Variants in TDRD5 observed in about 807,000 individuals in gnomAD.
TDRD5 encodes tudor domain containing 5.
A neutral mutation model predicts 120.6 loss-of-function variants in TDRD5; 41 were observed. That is an observed-to-expected ratio of 0.34 (90% CI 0.26 to 0.44). The LOEUF (loss-of-function observed/expected upper bound fraction) is 0.44. Ranked by LOEUF, TDRD5 falls within the 20% of genes least tolerant of loss-of-function variation. The pLI is 1.00. For synonymous variants in TDRD5, 430 were observed against 433.7 expected, an observed-to-expected ratio of 0.99 and a Z score of 0.11; for missense variants, 1,006 against 1,221.2, an observed-to-expected ratio of 0.82 and a Z score of 2.63.
chr1:179,599,940 T>G (rs1414314290), intron 4 of TDRD5, among the ~76,000 whole-genome samples: 1 of 152,162 alleles, frequency 6.6e-6, no homozygotes, highest in Non-Finnish European at 1.5e-5. Flanking sequence ...ACATAATAGT[T>G]GATAATGACA....
intron 15 of TDRD5, 50 bp from the exon 16 acceptor site, chr1:179,663,298 G>A (rs1679402594): frequency 6.5e-7 from 1 of 1,541,634 alleles, no homozygotes; most frequent in Non-Finnish European, 8.7e-7. Flanking sequence ...CCTCTTTTTG[G>A]GTCATGTTGC....
At position 179,594,592 on chromosome 1, in the gene TDRD5, C is replaced by T. The variant is rs117408907; in HGVS notation, c.640+725C>T. ...AGTGTGACCATCTGGGTAGTATCTC[C>T]CTTGACAATGTACAGTTTACACACT... On this transcript the variant is annotated intron_variant, in intron 3 of 17. Transcript: ENST00000444136. Among the ~76,000 whole-genome samples, 1,372 of 152,342 alleles carry T rather than the reference C, an allele frequency of 9.0e-3. 46 individuals are homozygous for T. The highest frequency in any genetic ancestry group is 0.061 in the East Asian group (317 of 5,192).
chr1:179,641,846 T>C (rs1242134928), intron 11 of TDRD5, among the ~76,000 whole-genome samples: 1 of 152,240 alleles, frequency 6.6e-6, no homozygotes, highest in Non-Finnish European at 1.5e-5. Flanking sequence ...TTGTTTGACA[T>C]TCAAACTGAT....
At chr1:179,624,832 A>G (rs1216261481) in intron 6 of TDRD5, among the ~76,000 whole-genome samples, 2 of 152,166 alleles carry the variant, frequency 1.3e-5, no homozygotes, top group African/African-American at 2.4e-5. Context: ...TATGGATTCA[A>G]TATAGTCCCC....
At chr1:179,630,621 A>G (rs1677381509) in intron 6 of TDRD5, 146 bp from the exon 7 acceptor site, 2 of 719,304 alleles carry the variant, frequency 2.8e-6, no homozygotes, top group Admixed American at 6.2e-5. Flanking sequence ...GGTTTGTTTT[A>G]TGCTGGTATG....
At chr1:179,598,904 T>C (rs2101913428) in intron 4 of TDRD5, among the ~76,000 whole-genome samples, 1 of 152,190 alleles carries the variant, frequency 6.6e-6, no homozygotes, top group Non-Finnish European at 1.5e-5. Flanking sequence ...TAGTATTATA[T>C]AATATTATAT....
chr1:179,656,744 A>T (rs1286619431), intron 14 of TDRD5, among the ~76,000 whole-genome samples: 1 of 152,206 alleles, frequency 6.6e-6, no homozygotes, highest in African/African-American at 2.4e-5. Flanking sequence ...AGACTTACAT[A>T]GTACCTCTTA....
Position 179,673,090 on chromosome 1 carries a change from G to A in TDRD5, c.2860+3686G>A, listed in dbSNP as rs148158461. On this transcript the variant is annotated intron_variant, in intron 17 of 17. Transcript: ENST00000444136. ...TTTTGGCTATGTGGGCTCTTTTTTG[G>A]TTCCATATGAATTTTAAGATTGTTT... is the stretch of plus-strand genomic sequence containing the variant. Among the ~76,000 whole-genome samples the A allele has an allele frequency of 8.5e-3, 1,297 of 152,120 alleles. 8 individuals are homozygous for A. The highest frequency in any genetic ancestry group is 0.013 in the Non-Finnish European group (863 of 67,990).
chr1:179,669,522 A>T, intron 17 of TDRD5, 118 bp downstream of exon 17: 2 of 1,112,542 alleles, frequency 1.8e-6, no homozygotes, highest in Non-Finnish European at 2.6e-6. Context: ...TACTGACGTT[A>T]GCATTTGTGT....
Position 179,618,763 on chromosome 1 carries a change from G to A in TDRD5, c.915+81G>A, listed in dbSNP as rs1278124662. On this transcript the variant is annotated intron_variant, in intron 5 of 17. Transcript: ENST00000444136. ...CATTTGTGGTTGAGTTTGTCTGCAA[G>A]TATTAATTTACATCTAATCTTTAAT... 1.6e-5 allele frequency: 16 copies of A among 1,021,110 alleles called. No individual in the cohort carries two copies. The East Asian group carries it at 4.4e-4, about 28-fold the overall frequency. 63.3% of individuals were successfully genotyped at this position (1,021,110 alleles called of 1,614,324 possible).
intron 17 of TDRD5, among the ~76,000 whole-genome samples, chr1:179,682,880 C>T (rs886707180): frequency 1.3e-5 from 2 of 152,066 alleles, no homozygotes; most frequent in South Asian, 2.1e-4. Context: ...TTTGTCCCAA[C>T]GTAAGATCTA....
chr1:179,595,668 A>C lies in TDRD5; in HGVS notation c.681A>C (p.Ser227=). 1 of 1,612,490 alleles carries C rather than the reference A, an allele frequency of 6.2e-7. No homozygotes were observed. The highest frequency in any genetic ancestry group is 8.5e-7 in the Non-Finnish European group (1 of 1,179,410). ...FTQPFRMKQG[S]YSTGFPVAKP... ...AGCCATTTAGAATGAAACAAGGGTC[A>C]TACTCCACAGGCTTTCCGGTAGCAA... Residue 227 remains serine, a synonymous_variant, in exon 4 of 18, where the codon TCA becomes TCC. Coordinates refer to ENST00000444136, the MANE Select transcript of TDRD5 (RefSeq NM_001199085.3).
chr1:179,637,718 G>GA (rs34392871), intron 9 of TDRD5, among the ~76,000 whole-genome samples: 33,187 of 130,648 alleles, frequency 0.25, 4,234 homozygotes, highest in African/African-American at 0.39. Context: ...CTGTCTGGGG[G>GA]AAAAAAAAAA....
At position 179,595,758 on chromosome 1, in the gene TDRD5, G is replaced by A. The variant is rs1230298737; in HGVS notation, c.771G>A (p.Lys257=). 1 of 1,613,674 alleles carries A rather than the reference G, an allele frequency of 6.2e-7. No homozygotes were observed. The highest frequency in any genetic ancestry group is 8.5e-7 in the Non-Finnish European group (1 of 1,179,828). ...EPPKQIMSME[K]TSKLNVVETS... is the part of the protein sequence containing the mutation. ...CGAAGCAAATAATGAGCATGGAAAA[G>A]ACTTCCAAGTTAAATGTAGTGGAGA... is the stretch of plus-strand genomic sequence containing the variant. Residue 257 remains lysine (K), a synonymous_variant, in exon 4 of 18, where the codon AAG becomes AAA. Coordinates refer to ENST00000444136, the MANE Select transcript of TDRD5 (RefSeq NM_001199085.3).
At chr1:179,619,357 G>A (rs1676725670) in intron 5 of TDRD5, among the ~76,000 whole-genome samples, 1 of 151,990 alleles carries the variant, frequency 6.6e-6, no homozygotes, top group South Asian at 2.1e-4. Flanking sequence ...AGTCTTATTT[G>A]TTTTACCTTA....
chr1:179,637,970 T>C (rs1411230387), intron 9 of TDRD5, among the ~76,000 whole-genome samples: 1 of 152,114 alleles, frequency 6.6e-6, no homozygotes, highest in Non-Finnish European at 1.5e-5. Flanking sequence ...TATGAGTGGG[T>C]ATAATCAGGT....
chr1:179,606,359 G>A lies in TDRD5; in HGVS notation c.831+10541G>A, dbSNP rs545207140. ...TTTTAATAATAGTCTTTTATCAGAT[G>A]TGTCTTGCAAATATTTTCTTCTATT... On this transcript the variant is annotated intron_variant, in intron 4 of 17. Coordinates refer to ENST00000444136, the MANE Select transcript of TDRD5 (RefSeq NM_001199085.3). Among the ~76,000 whole-genome samples the A allele has an allele frequency of 7.4e-4, 112 of 151,824 alleles. 2 individuals are homozygous for A. The highest frequency in any genetic ancestry group is 7.4e-4 in the Non-Finnish European group (50 of 67,878).
rs1676322106 is a variant in TDRD5, at chr1:179,612,279, C to G, written c.832-6320C>G. Among the ~76,000 whole-genome samples, 2 of 152,154 alleles carry G rather than the reference C, an allele frequency of 1.3e-5. 1 individual carries two copies. The highest frequency in any genetic ancestry group is 4.1e-4 in the South Asian group (2 of 4,826). ...TCCTCTTGCAAGAGAAACAGGCTGG[C>G]TTGGCCTTTTGTATCCCACCCCTGC... On this transcript the variant is annotated intron_variant, in intron 4 of 17. Transcript: ENST00000444136.
At chr1:179,634,900 ACAGGGGCTT>A (rs1677681457) in intron 8 of TDRD5, among the ~76,000 whole-genome samples, 1 of 152,224 alleles carries the variant, frequency 6.6e-6, no homozygotes, top group Non-Finnish European at 1.5e-5. Context: ...TTGAAAACCC[ACAGGGGCTT>A]TAGAGGGAAA....
Sources: allele counts gnomAD v4.1 joint callset (sites outside exome capture counted in the v4.1 genomes callset), GRCh38; gene constraint gnomAD v4.1.1; transcripts MANE v1.5; gene names NCBI Gene and HGNC (gene_info 2026-07-23, HGNC 2026-07-21).